Variants in MMP20 observed in about 807,000 individuals in gnomAD.
The protein encoded by MMP20 is matrix metallopeptidase 20.
A neutral mutation model predicts 51.8 loss-of-function variants in MMP20; 50 were observed. The ratio of observed to expected loss-of-function variants is 0.97; its 90% CI spans 0.77 to 1.22. The LOEUF (loss-of-function observed/expected upper bound fraction) is 1.22, where lower values mean the gene tolerates loss of function less well. MMP20 is among the 50% of genes most tolerant of loss of function. MMP20 has a pLI of 0.00. For synonymous variants in MMP20, 244 were observed against 216.2 expected (o/e 1.13, Z -1.13); for missense variants, 663 against 601.4 (o/e 1.10, Z -1.07).
intron 6 of MMP20, among the ~76,000 whole-genome samples, chr11:102,598,030 G>C (rs887112618): frequency 1.5e-5 from 2 of 132,862 alleles, no homozygotes; most frequent in African/African-American, 5.3e-5. Flanking sequence ...ACCTCCCAAA[G>C]TGCTGAGATT....
At chr11:102,603,269 G>A (rs2135938499) in intron 6 of MMP20, among the ~76,000 whole-genome samples, 1 of 152,292 alleles carries the variant, frequency 6.6e-6, no homozygotes, top group East Asian at 1.9e-4. Flanking sequence ...TGGCTCCCTG[G>A]TTGCCATTAG....
In MMP20 at chr11:102,581,840, G is replaced by A. The variant is rs12795018; in HGVS notation, c.1248-2698C>T. On this transcript the variant is annotated intron_variant, in intron 8 of 9. Transcript: ENST00000260228. ...TGGCACACAGTAAGCCAGCCATCAA[G>A]AAATAGTAACTGAATTTCAATATTA... Among the ~76,000 whole-genome samples, 637 of 152,262 alleles carry A rather than the reference G, an allele frequency of 4.2e-3. 6 individuals carry two copies. The highest frequency in any genetic ancestry group is 6.5e-3 in the Non-Finnish European group (443 of 68,006).
At chr11:102,587,475 C>T (rs1462024047) in intron 8 of MMP20, among the ~76,000 whole-genome samples, 2 of 152,138 alleles carry the variant, frequency 1.3e-5, no homozygotes, top group East Asian at 3.8e-4. Context: ...AGTTGGTTTA[C>T]AGTATTGTTC....
At chr11:102,615,038 AAT>A (rs1859649875) in intron 2 of MMP20, among the ~76,000 whole-genome samples, 2 of 148,124 alleles carry the variant, frequency 1.4e-5, no homozygotes, top group South Asian at 4.2e-4. Flanking sequence ...AATATAATTT[AAT>A]ATAATTTATT....
chr11:102,581,032 G>T (rs376016747), intron 8 of MMP20, among the ~76,000 whole-genome samples: 1 of 152,126 alleles, frequency 6.6e-6, no homozygotes, highest in Non-Finnish European at 1.5e-5. Flanking sequence ...GATGGTACTG[G>T]GTTTGAATTT....
In MMP20 at chr11:102,593,578, T is replaced by C. The variant is rs774909387; in HGVS notation, c.1108A>G (p.Thr370Ala). 72 of 1,614,010 alleles carry C rather than the reference T, an allele frequency of 4.5e-5. No homozygotes were observed. Among genetic ancestry groups the C allele is most frequent in the Non-Finnish European group, 5.5e-5 (65 of 1,179,992 alleles). ...YFFKGPHYWI[T>A]RGFQMQGPPR... is the part of the protein sequence containing the mutation. ...GGACCTTGCATTTGGAATCCTCTTGTTATCCAGTAGTGGGGACCTGAAAAC... is the reference window on the plus strand; with the variant it reads ...GGACCTTGCATTTGGAATCCTCTTGCTATCCAGTAGTGGGGACCTGAAAAC... Residue 370 changes from threonine to alanine, a missense_variant, in exon 8 of 10, where the codon ACA becomes GCA. Physicochemically the swap from Thr to Ala is moderately conservative, Grantham distance 58. Transcript: ENST00000260228.
chr11:102,620,396 T>C (rs1859734935), intron 1 of MMP20, among the ~76,000 whole-genome samples: 1 of 152,218 alleles, frequency 6.6e-6, no homozygotes, highest in African/African-American at 2.4e-5. Context: ...CATGTGATGC[T>C]CTAACACTTG....
intron 1 of MMP20, among the ~76,000 whole-genome samples, chr11:102,623,848 T>C (rs1450782968): frequency 6.6e-6 from 1 of 152,120 alleles, no homozygotes; most frequent in African/African-American, 2.4e-5. Flanking sequence ...AGAATCACAG[T>C]GGCATGAGGC....
intron 7 of MMP20, among the ~76,000 whole-genome samples, chr11:102,593,890 CCTT>C (rs996265998): frequency 3.9e-5 from 6 of 152,170 alleles, no homozygotes; most frequent in Non-Finnish European, 5.9e-5. Flanking sequence ...TCTCATTTCA[CCTT>C]CATAGATCTA....
rs191743489 is a variant in MMP20, at chr11:102,592,542, C to A, written c.1247+897G>T. Among the ~76,000 whole-genome samples the A allele has an allele frequency of 4.9e-3, 752 of 152,208 alleles. 3 individuals are homozygous for A. Among genetic ancestry groups the A allele is most frequent in the African/African-American group, 0.017 (704 of 41,536 alleles). ...TATTTGTTTTGAAATTTCTTTTATA[C>A]CACAAAAATGATTATTTAAAATACG... is the stretch of plus-strand genomic sequence containing the variant. On this transcript the variant is annotated intron_variant, in intron 8 of 9. Transcript: ENST00000260228.
At chr11:102,594,575 G>A (rs774513655) in intron 7 of MMP20, 46 bp downstream of exon 7, 3 of 1,609,176 alleles carry the variant, frequency 1.9e-6, no homozygotes, top group Non-Finnish European at 1.7e-6. Context: ...AATGAATGGG[G>A]CACTGCAGCC....
chr11:102,614,502 C>A (rs1054532399), intron 2 of MMP20, among the ~76,000 whole-genome samples: 3 of 152,210 alleles, frequency 2.0e-5, no homozygotes, highest in African/African-American at 7.2e-5. Context: ...TAGTCATGGA[C>A]TAAAATTCCA....
At chr11:102,579,244 T>C in intron 8 of MMP20, 102 bp from the exon 9 acceptor site, 1 of 730,586 alleles carries the variant, frequency 1.4e-6, no homozygotes, top group Non-Finnish European at 2.4e-6. Context: ...CTTATTTAGG[T>C]GTTCCTCTCT....
intron 6 of MMP20, among the ~76,000 whole-genome samples, chr11:102,598,252 C>T (rs935582238): frequency 3.3e-5 from 5 of 152,188 alleles, no homozygotes; most frequent in Admixed American, 2.0e-4. Flanking sequence ...CTTCCTTATA[C>T]ATCTGTGAAT....
intron 5 of MMP20, chr11:102,607,324 A>G (rs919378846): frequency 1.9e-5 from 3 of 160,120 alleles, no homozygotes; most frequent in Admixed American, 1.8e-4. Context: ...GAGAGCTATC[A>G]GTGAGTCTCC....
intron 6 of MMP20, among the ~76,000 whole-genome samples, chr11:102,599,588 A>G (rs1036011457): frequency 6.6e-6 from 1 of 152,236 alleles, no homozygotes; most frequent in African/African-American, 2.4e-5. Flanking sequence ...TAGACACTTT[A>G]AAAAGACATG....
chr11:102,619,776 CTT>C (rs759706007), intron 1 of MMP20, among the ~76,000 whole-genome samples: 7 of 142,988 alleles, frequency 4.9e-5, no homozygotes, highest in Admixed American at 7.0e-5. Context: ...AGGGCTTTTA[CTT>C]TTTTTTTTTT....
At chr11:102,616,223 G>A (rs780378283) in intron 2 of MMP20, among the ~76,000 whole-genome samples, 1 of 152,092 alleles carries the variant, frequency 6.6e-6, no homozygotes, top group Non-Finnish European at 1.5e-5. Flanking sequence ...CTGGTCCCTG[G>A]GCCACTTGGT....
At chr11:102,602,722 T>A (rs1859465037) in intron 6 of MMP20, among the ~76,000 whole-genome samples, 2 of 152,228 alleles carry the variant, frequency 1.3e-5, no homozygotes, top group South Asian at 4.1e-4. Context: ...AGGATTTGGA[T>A]ATGATCAACC....
Sources: gnomAD v4.1 joint callset for allele counts (sites outside exome capture counted in the v4.1 genomes callset) on GRCh38, gnomAD v4.1.1 for gene constraint, MANE v1.5 for transcripts, NCBI Gene and HGNC (gene_info 2026-07-23, HGNC 2026-07-21) for gene names.